The following TBC1D1 variants were observed in gnomAD, a reference collection of about 807,000 sequenced individuals.
The protein encoded by TBC1D1 is TBC1 (tre-2/USP6, BUB2, cdc16) domain family, member 1.
A neutral mutation model predicts 125.6 loss-of-function variants in TBC1D1; 89 were observed. The ratio of observed to expected loss-of-function variants is 0.71; its 90% CI spans 0.60 to 0.85. The LOEUF (loss-of-function observed/expected upper bound fraction) is 0.85, where lower values mean the gene tolerates loss of function less well. Among genes scored for constraint, TBC1D1 ranks in the 40% least tolerant of loss-of-function variants. The pLI is 0.00. For synonymous variants in TBC1D1, 565 were observed against 564.1 expected (o/e 1.00, Z -0.02); for missense variants, 1,377 against 1,469.2 (o/e 0.94, Z 1.03).
chr4:38,059,813 ATC>A (rs2152495092), intron 12 of TBC1D1, among the ~76,000 whole-genome samples: 1 of 152,304 alleles, frequency 6.6e-6, no homozygotes, highest in South Asian at 2.1e-4. Context: ...TGCTGTACCT[ATC>A]AACCCATCAC....
At chr4:38,126,142 A>G (rs966837279) in intron 18 of TBC1D1, among the ~76,000 whole-genome samples, 2 of 152,260 alleles carry the variant, frequency 1.3e-5, no homozygotes, top group Non-Finnish European at 2.9e-5. Context: ...ACATGTGACT[A>G]TACTGAATAC....
chr4:38,018,437 C>T lies in TBC1D1; in HGVS notation c.966C>T (p.Cys322=), dbSNP rs766986844. Residue 322 remains cysteine (C), a synonymous_variant, in exon 4 of 20, where the codon TGC becomes TGT. Transcript: ENST00000261439. Reference sequence around the variant, plus strand: ...AAAATTTTAAGGAGATATCCTTTTGCTCTCAGGTAAATGGAGATGGGTTTT... The same window carrying T: ...AAAATTTTAAGGAGATATCCTTTTGTTCTCAGGTAAATGGAGATGGGTTTT... 1 of 1,601,180 alleles carries T rather than the reference C, an allele frequency of 6.2e-7. No homozygotes were observed. The highest frequency in any genetic ancestry group is 2.2e-5 in the East Asian group (1 of 44,724).
At chr4:38,118,229 T>C in intron 17 of TBC1D1, 37 bp downstream of exon 19, 1 of 1,609,820 alleles carries the variant, frequency 6.2e-7, no homozygotes, top group Non-Finnish European at 8.5e-7. Context: ...GAACCAGCCT[T>C]CTCTTATTAG....
intron 12 of TBC1D1, among the ~76,000 whole-genome samples, chr4:38,071,043 CA>C (rs754020202): frequency 6.6e-6 from 1 of 152,190 alleles, no homozygotes; most frequent in Non-Finnish European, 1.5e-5. Flanking sequence ...TGGAGTTATT[CA>C]ACTTGGCATG....
At chr4:37,895,634 GC>G (rs1183439557) in intron 1 of TBC1D1, among the ~76,000 whole-genome samples, 2 of 152,194 alleles carry the variant, frequency 1.3e-5, no homozygotes, top group East Asian at 3.8e-4. Context: ...AACCCAGGGG[GC>G]GGAGGATGCA....
chr4:37,976,909 A>G (rs1733200969), intron 2 of TBC1D1, among the ~76,000 whole-genome samples: 1 of 152,184 alleles, frequency 6.6e-6, no homozygotes. Flanking sequence ...TAAAGGTATT[A>G]GGGGCTGGGG....
At chr4:37,893,651 T>C (rs2152202393) in intron 1 of TBC1D1, among the ~76,000 whole-genome samples, 2 of 151,990 alleles carry the variant, frequency 1.3e-5, no homozygotes, top group East Asian at 3.9e-4. Context: ...AAACCCTGTC[T>C]CTACAAAAAT....
At chr4:37,938,927 G>A (rs1346830317) in intron 2 of TBC1D1, among the ~76,000 whole-genome samples, 3 of 152,176 alleles carry the variant, frequency 2.0e-5, no homozygotes, top group Non-Finnish European at 2.9e-5. Flanking sequence ...GTCTATCATT[G>A]ATGGACATCT....
chr4:37,963,862 G>C (rs531323897), intron 2 of TBC1D1, among the ~76,000 whole-genome samples: 3 of 152,278 alleles, frequency 2.0e-5, no homozygotes, highest in African/African-American at 7.2e-5. Flanking sequence ...TGATATCCCT[G>C]CTCTTTTTCC....
chr4:37,965,019 G>A (rs1469903591), intron 2 of TBC1D1, among the ~76,000 whole-genome samples: 1 of 152,254 alleles, frequency 6.6e-6, no homozygotes, highest in East Asian at 1.9e-4. Context: ...TTGGAGGGAT[G>A]CTGACAGGTG....
intron 2 of TBC1D1, among the ~76,000 whole-genome samples, chr4:37,925,281 T>C (rs184022787): frequency 8.1e-4 from 124 of 152,328 alleles, no homozygotes; most frequent in Non-Finnish European, 1.3e-3. Context: ...TCTTTGCCAT[T>C]TACACTGCTG....
chr4:37,999,958 A>C (rs771909626), intron 2 of TBC1D1, among the ~76,000 whole-genome samples: 1 of 152,224 alleles, frequency 6.6e-6, no homozygotes, highest in Non-Finnish European at 1.5e-5. Flanking sequence ...TGAAAAGATT[A>C]TAATGTGCTG....
chr4:37,997,725 G>A (rs901209724), intron 2 of TBC1D1, among the ~76,000 whole-genome samples: 2 of 151,098 alleles, frequency 1.3e-5, no homozygotes, highest in Non-Finnish European at 2.9e-5. Context: ...TGAAAATTCT[G>A]TCTCTTTTGC....
At chr4:38,061,471 A>C (rs1316142758) in intron 12 of TBC1D1, among the ~76,000 whole-genome samples, 1 of 152,218 alleles carries the variant, frequency 6.6e-6, no homozygotes, top group African/African-American at 2.4e-5. Flanking sequence ...GTGCTAGGGA[A>C]CAATATTAAA....
At chr4:38,021,910 AAAGAT>A (rs1744121677) in intron 6 of TBC1D1, among the ~76,000 whole-genome samples, 192 bp downstream of exon 6, 1 of 152,220 alleles carries the variant, frequency 6.6e-6, no homozygotes, top group African/African-American at 2.4e-5. Context: ...CTGGTGATAC[AAAGAT>A]AAGAACCCAG....
chr4:37,903,493 G>T (rs1451236605), intron 2 of TBC1D1, among the ~76,000 whole-genome samples: 1 of 152,182 alleles, frequency 6.6e-6, no homozygotes, highest in Admixed American at 6.5e-5. Context: ...ACATGTACAG[G>T]GCGAGGATGC....
intron 11 of TBC1D1, among the ~76,000 whole-genome samples, chr4:38,053,513 A>ATCAGGATGTCTGATCTGT (rs1356715302): frequency 6.6e-6 from 1 of 152,226 alleles, no homozygotes; most frequent in African/African-American, 2.4e-5. Context: ...TCTGTTTCAA[A>ATCAGGATGTCTGATCTGT]TCAGGATGTC....
At chr4:37,964,718 G>T (rs1329148018) in intron 2 of TBC1D1, among the ~76,000 whole-genome samples, 1 of 152,230 alleles carries the variant, frequency 6.6e-6, no homozygotes, top group Non-Finnish European at 1.5e-5. Flanking sequence ...GGGCCCTGCT[G>T]CCTCAGACCC....
At chr4:37,923,166 C>T (rs1721381585) in intron 2 of TBC1D1, among the ~76,000 whole-genome samples, 1 of 152,080 alleles carries the variant, frequency 6.6e-6, no homozygotes, top group African/African-American at 2.4e-5. Context: ...TCCATGTGTT[C>T]TCACTGTTCA....
Sources: gnomAD v4.1 joint callset for allele counts (sites outside exome capture counted in the v4.1 genomes callset) on GRCh38, gnomAD v4.1.1 for gene constraint, MANE v1.5 for transcripts, NCBI Gene and HGNC (gene_info 2026-07-23, HGNC 2026-07-21) for gene names.